The following SLC12A8 variants were observed in gnomAD, a reference collection of about 807,000 sequenced individuals.
SLC12A8 encodes solute carrier family 12 member 8.
In SLC12A8, 69 loss-of-function variants were observed where a neutral mutation model predicts 75.6. That is an observed-to-expected ratio of 0.91 (90% CI 0.75 to 1.11). The LOEUF (loss-of-function observed/expected upper bound fraction) is 1.11. SLC12A8 is among the 50% of genes most tolerant of loss of function. The pLI is 0.00. For synonymous variants in SLC12A8, 365 were observed against 372.8 expected (o/e 0.98, Z 0.24); for missense variants, 877 against 896.7 (o/e 0.98, Z 0.28).
intron 13 of SLC12A8, chr3:125,088,071 CTG>C: frequency 1.9e-6 from 1 of 517,300 alleles, no homozygotes. Context: ...TTCTTGATGA[CTG>C]AGGATAAGAA....
chr3:125,176,607 T>C (rs537149562), intron 5 of SLC12A8, among the ~76,000 whole-genome samples: 41 of 151,994 alleles, frequency 2.7e-4, no homozygotes, highest in African/African-American at 9.4e-4. Context: ...GAATCTACAA[T>C]GAACTCAAAC....
At chr3:125,105,540 C>A (rs1221580230) in intron 10 of SLC12A8, among the ~76,000 whole-genome samples, 1 of 151,994 alleles carries the variant, frequency 6.6e-6, no homozygotes. Context: ...AAGAAAAAAC[C>A]AAGGCAATTA....
At chr3:125,120,094 G>T (rs2942819) in intron 7 of SLC12A8, among the ~76,000 whole-genome samples, 58,214 of 151,982 alleles carry the variant, frequency 0.38, 11,776 homozygotes, top group Non-Finnish European at 0.43. Flanking sequence ...CCGCAATCTA[G>T]GAAGCACATA....
intron 4 of SLC12A8, among the ~76,000 whole-genome samples, chr3:125,180,657 C>G (rs888652952): frequency 6.6e-6 from 1 of 152,190 alleles, no homozygotes; most frequent in African/African-American, 2.4e-5. Flanking sequence ...CGCCACCGCA[C>G]TCCAGCCTGG....
intron 5 of SLC12A8, among the ~76,000 whole-genome samples, chr3:125,165,161 G>A (rs776850400): frequency 2.6e-5 from 4 of 152,154 alleles, no homozygotes; most frequent in Non-Finnish European, 5.9e-5. Flanking sequence ...GAGAGAGTGC[G>A]GAAGGCCATG....
At position 125,083,990 on chromosome 3, in the gene SLC12A8, T is replaced by G; in HGVS notation, c.2045A>C (p.Glu682Ala). ...LAPSLAKVDM[E>A]MTQLTQENAD... The stretch of plus-strand genomic sequence containing the variant: ...ATTCTCCTGGGTGAGCTGAGTCATC[T>G]CCATGTCAACCTTAGCCAGGGACGG... Residue 682 changes from glutamate (E) to alanine (A), a missense_variant, in exon 14 of 14, where the codon GAG (glutamate) becomes GCG (alanine). Glu to Ala is a moderately radical substitution (Grantham distance 107). Transcript: ENST00000469902. 1 of 1,613,546 alleles carries G rather than the reference T, an allele frequency of 6.2e-7. No individual in the cohort carries two copies. The highest frequency in any genetic ancestry group is 8.5e-7 in the Non-Finnish European group (1 of 1,179,844).
At position 125,083,772 on chromosome 3, in the gene SLC12A8, G is replaced by A; in HGVS notation, c.*118C>T. On this transcript the variant is annotated 3_prime_UTR_variant, in exon 14 of 14. Coordinates refer to ENST00000469902, the MANE Select transcript of SLC12A8 (RefSeq NM_024628.6). ...AATGTAGATTTCCATTGTCCAAAGT[G>A]ACAGCGGGAGGATGGGTCTTGAGTT... The A allele has an allele frequency of 1.1e-6, 1 of 912,258 alleles. No homozygotes were observed. The allele number at this position is 912,258 out of a possible 1,614,324, so 56.5% of individuals were successfully genotyped here. A position where few individuals can be genotyped will look rare whatever the true frequency, so the allele number is the denominator to read the frequency against.
chr3:125,111,061 C>G (rs1560054906), intron 8 of SLC12A8, among the ~76,000 whole-genome samples: 1 of 152,172 alleles, frequency 6.6e-6, no homozygotes, highest in Non-Finnish European at 1.5e-5. Flanking sequence ...GAGGCCATCC[C>G]CTCTTCCCTG....
Position 125,108,101 on chromosome 3 carries a change from G to C in SLC12A8, c.1085C>G (p.Ala362Gly), listed in dbSNP as rs1440593020. 1 of 1,613,806 alleles carries C rather than the reference G, an allele frequency of 6.2e-7. No individual in the cohort carries two copies. Among genetic ancestry groups the C allele is most frequent in the Non-Finnish European group, 8.5e-7 (1 of 1,179,792 alleles). Reference protein sequence around the residue: ...QGKGPNKTPVAAICLTSLVTM... With the variant: ...QGKGPNKTPVGAICLTSLVTM... ...CACCAAGCTGGTCAGGCAGATGGCA[G>C]CCACGGGTGTTTTGTTTGGCCCCTT... The change falls in exon 10 of 14, where the codon GCT becomes GGT. Residue 362 changes from alanine (A) to glycine (G), a missense_variant. Coordinates refer to ENST00000469902, the MANE Select transcript of SLC12A8 (RefSeq NM_024628.6).
chr3:125,172,730 G>A (rs1200213921), intron 5 of SLC12A8, among the ~76,000 whole-genome samples: 1 of 152,242 alleles, frequency 6.6e-6, no homozygotes, highest in African/African-American at 2.4e-5. Flanking sequence ...GAAACTGAGT[G>A]AAGGAGGAGA....
intron 5 of SLC12A8, among the ~76,000 whole-genome samples, chr3:125,175,183 G>A (rs1934492822): frequency 6.6e-6 from 1 of 152,076 alleles, no homozygotes; most frequent in Non-Finnish European, 1.5e-5. Context: ...AGATAATTTA[G>A]CCACATATAA....
chr3:125,091,988 C>A, intron 11 of SLC12A8, 113 bp downstream of exon 11: 2 of 650,924 alleles, frequency 3.1e-6, no homozygotes, highest in East Asian at 5.4e-5. Context: ...ACAGGCAAAT[C>A]ACATTGCTTC....
In SLC12A8 at chr3:125,177,982, G is replaced by A; in HGVS notation, c.391-8C>T. 2 of 1,606,842 alleles carry A rather than the reference G, an allele frequency of 1.2e-6. No homozygotes were observed. The highest frequency in any genetic ancestry group is 1.1e-5 in the South Asian group (1 of 89,956). On this transcript the variant is annotated splice_region_variant and splice_polypyrimidine_tract_variant and intron_variant, in intron 4 of 13. Coordinates refer to ENST00000469902, the MANE Select transcript of SLC12A8 (RefSeq NM_024628.6). Reference sequence around the variant, plus strand: ...CATGGCACCTGCAACACACTGACATGCGATTCCAGGTAGAAGAGTCAGCAG... The same window carrying A: ...CATGGCACCTGCAACACACTGACATACGATTCCAGGTAGAAGAGTCAGCAG...
intron 4 of SLC12A8, 35 bp from the exon 5 acceptor site, chr3:125,178,009 A>G (rs777416475): frequency 6.4e-7 from 1 of 1,571,760 alleles, no homozygotes; most frequent in South Asian, 1.1e-5. Context: ...AGTCAGCAGG[A>G]CAGAAAGCCA....
chr3:125,193,178 C>T (rs144219523), intron 2 of SLC12A8, among the ~76,000 whole-genome samples: 7 of 152,156 alleles, frequency 4.6e-5, no homozygotes, highest in Non-Finnish European at 8.8e-5. Context: ...AGACCAGCCT[C>T]GTTAACATGG....
At position 125,083,647 on chromosome 3, in the gene SLC12A8, G is replaced by C. The variant is rs144134510; in HGVS notation, c.*243C>G. On this transcript the variant is annotated 3_prime_UTR_variant, in exon 14 of 14. Transcript: ENST00000469902. ...TGAGGCAGGAGAATTGCTTGAACTC[G>C]GGAAGCAGAGGTTGCAGTGAGCCAA... 1 of 380,316 alleles carries C rather than the reference G, an allele frequency of 2.6e-6. No individual in the cohort carries two copies. Among genetic ancestry groups the C allele is most frequent in the Non-Finnish European group, 4.8e-6 (1 of 207,996 alleles). 23.6% of individuals were successfully genotyped at this position (380,316 alleles called of 1,614,324 possible).
At chr3:125,154,587 G>T (rs562769593) in intron 5 of SLC12A8, among the ~76,000 whole-genome samples, 3 of 152,070 alleles carry the variant, frequency 2.0e-5, no homozygotes, top group Non-Finnish European at 4.4e-5. Context: ...TTATCCATTA[G>T]GGGTACATCC....
intron 4 of SLC12A8, 86 bp from the exon 5 acceptor site, chr3:125,178,060 A>T (rs1934578979): frequency 9.0e-7 from 1 of 1,115,536 alleles, no homozygotes; most frequent in East Asian, 2.6e-5. Flanking sequence ...AGAACCCTGC[A>T]CCCCCATCGG....
chr3:125,133,397 G>A (rs762060715), intron 6 of SLC12A8, among the ~76,000 whole-genome samples: 25 of 151,292 alleles, frequency 1.7e-4, no homozygotes, highest in South Asian at 4.2e-4. Context: ...TTTTGATACA[G>A]GGTCTCACTC....
Sources: allele counts gnomAD v4.1 joint callset (sites outside exome capture counted in the v4.1 genomes callset), GRCh38; gene constraint gnomAD v4.1.1; transcripts MANE v1.5; gene names NCBI Gene and HGNC (gene_info 2026-07-23, HGNC 2026-07-21).